SLC9C1: variants seen among roughly 807,000 people sequenced by gnomAD.
SLC9C1 encodes sodium/hydrogen exchanger 10.
In SLC9C1, 97 loss-of-function variants were observed where a neutral mutation model predicts 140.9. The ratio of observed to expected loss-of-function variants is 0.69; its 90% CI spans 0.58 to 0.82. The LOEUF (loss-of-function observed/expected upper bound fraction) is 0.82. Among genes scored for constraint, SLC9C1 ranks in the 40% least tolerant of loss-of-function variants. SLC9C1 has a pLI of 0.00. For missense variants in SLC9C1, 1,340 were observed against 1,389.3 expected (o/e 0.96, Z 0.56); for synonymous variants, 440 against 442.6 (o/e 0.99, Z 0.07).
chr3:112,185,933 C>T (rs2077530199), intron 20 of SLC9C1: 2 of 1,565,802 alleles, frequency 1.3e-6, no homozygotes, highest in Non-Finnish European at 8.6e-7. Flanking sequence ...AATAGCCAGG[C>T]GGCAGCAGTA....
At chr3:112,167,112 A>G in intron 26 of SLC9C1, 109 bp downstream of exon 26, 2 of 1,233,854 alleles carry the variant, frequency 1.6e-6, no homozygotes, top group South Asian at 1.4e-5. Context: ...AGTTAAAAGG[A>G]TTCCTCAATA....
At chr3:112,291,493 G>T (rs2080680825) in intron 1 of SLC9C1, among the ~76,000 whole-genome samples, 1 of 151,964 alleles carries the variant, frequency 6.6e-6, no homozygotes, top group Admixed American at 6.6e-5. Context: ...CATACATGCT[G>T]CCAACAAGCA....
At chr3:112,258,053 G>A (rs966990823) in intron 10 of SLC9C1, among the ~76,000 whole-genome samples, 1 of 152,130 alleles carries the variant, frequency 6.6e-6, no homozygotes, top group African/African-American at 2.4e-5. Flanking sequence ...ACAAATGCTG[G>A]CGAGGTTGCA....
intron 10 of SLC9C1, among the ~76,000 whole-genome samples, chr3:112,245,372 G>A (rs1471005652): frequency 6.6e-6 from 1 of 151,256 alleles, no homozygotes; most frequent in Non-Finnish European, 1.5e-5. Flanking sequence ...TTATATTTAA[G>A]TCTATGGTCC....
intron 10 of SLC9C1, among the ~76,000 whole-genome samples, chr3:112,255,766 ATCAT>A (rs1222957899): frequency 6.6e-6 from 1 of 152,116 alleles, no homozygotes; most frequent in Non-Finnish European, 1.5e-5. Context: ...CACACAAAAA[ATCAT>A]TCAAAAGATC....
intron 26 of SLC9C1, among the ~76,000 whole-genome samples, chr3:112,163,548 G>A (rs1576239911): frequency 2.0e-5 from 3 of 152,056 alleles, no homozygotes. Context: ...TCATTCAGGA[G>A]CAGGTTGTTC....
intron 2 of SLC9C1, among the ~76,000 whole-genome samples, chr3:112,285,513 G>A (rs9851141): frequency 6.6e-6 from 1 of 152,000 alleles, no homozygotes; most frequent in African/African-American, 2.4e-5. Flanking sequence ...AGTGCTGGGA[G>A]TATAGGCATC....
At chr3:112,197,890 C>A (rs2108019530) in intron 20 of SLC9C1, among the ~76,000 whole-genome samples, 1 of 152,216 alleles carries the variant, frequency 6.6e-6, no homozygotes, top group South Asian at 2.1e-4. Flanking sequence ...TTCTCTACAA[C>A]ATGGGTTGCA....
At chr3:112,288,606 A>T (rs1427964437) in intron 1 of SLC9C1, among the ~76,000 whole-genome samples, 1 of 152,162 alleles carries the variant, frequency 6.6e-6, no homozygotes, top group African/African-American at 2.4e-5. Flanking sequence ...AAAATAAAAA[A>T]CTTACCTCAG....
intron 15 of SLC9C1, among the ~76,000 whole-genome samples, chr3:112,208,817 T>C (rs1165686717): frequency 6.6e-6 from 1 of 152,190 alleles, no homozygotes; most frequent in African/African-American, 2.4e-5. Flanking sequence ...AAAGAAGTTA[T>C]ATGACACATT....
At chr3:112,237,226 T>C (rs895986427) in intron 12 of SLC9C1, among the ~76,000 whole-genome samples, 3 of 152,220 alleles carry the variant, frequency 2.0e-5, no homozygotes, top group Admixed American at 2.0e-4. Flanking sequence ...GTAATGGCCT[T>C]CTTTGTCTCT....
In SLC9C1 at chr3:112,183,349, C is replaced by CTTTT. The variant is rs200437815; in HGVS notation, c.2524-1095_2524-1092dup. 8.4e-4 allele frequency among the ~76,000 whole-genome samples: 80 copies of CTTTT among 95,366 alleles called. 6 individuals carry two copies. Among genetic ancestry groups the CTTTT allele is most frequent in the East Asian group, 7.1e-3 (28 of 3,954 alleles). 62.6% of individuals were successfully genotyped at this position (95,366 alleles called of 152,430 possible). The stretch of plus-strand genomic sequence containing the variant: ...ACGACAATGATATTTAGCACCTTTT[C>CTTTT]TTTTTTTTTTTTTTTTTTTTTCAGC... On this transcript the variant is annotated intron_variant, in intron 20 of 28. Transcript: ENST00000305815.
At chr3:112,177,721 CA>C (rs76761034) in intron 23 of SLC9C1, among the ~76,000 whole-genome samples, 8,233 of 75,392 alleles carry the variant, frequency 0.11, 258 homozygotes, top group South Asian at 0.14. Context: ...AATTTTTTTT[CA>C]AAAAAAAAAA....
chr3:112,176,200 G>A (rs1201892538), intron 23 of SLC9C1, among the ~76,000 whole-genome samples: 3 of 152,170 alleles, frequency 2.0e-5, no homozygotes, highest in African/African-American at 7.2e-5. Context: ...AGAAGCATGG[G>A]TTCCTGGGAC....
At chr3:112,216,317 C>T (rs1434439861) in intron 15 of SLC9C1, among the ~76,000 whole-genome samples, 8 of 152,162 alleles carry the variant, frequency 5.3e-5, no homozygotes. Flanking sequence ...AGGACTAAAA[C>T]ACCAAAAGCA....
At chr3:112,237,079 A>G (rs1169863063) in intron 12 of SLC9C1, among the ~76,000 whole-genome samples, 1 of 152,102 alleles carries the variant, frequency 6.6e-6, no homozygotes, top group Admixed American at 6.5e-5. Flanking sequence ...AATTTCTCCC[A>G]TTATTATTGT....
rs750945759 is a variant in SLC9C1, at chr3:112,231,517, A to G, written c.1447-31T>C. 8 of 1,564,024 alleles carry G rather than the reference A, an allele frequency of 5.1e-6. No homozygotes were observed. In the South Asian group the frequency reaches 9.3e-5, roughly 18 times the overall value. On this transcript the variant is annotated intron_variant, in intron 12 of 28. Transcript: ENST00000305815. Reference sequence around the variant, plus strand: ...TAAAACATAAATAAAAGAACAAAAAATACATGAATATTAACATATTGTTTA... The same window carrying G: ...TAAAACATAAATAAAAGAACAAAAAGTACATGAATATTAACATATTGTTTA...
Position 112,216,735 on chromosome 3 carries a change from G to C in SLC9C1, c.1790+707C>G, listed in dbSNP as rs187607948. On this transcript the variant is annotated intron_variant, in intron 15 of 28. Coordinates refer to ENST00000305815, the MANE Select transcript of SLC9C1 (RefSeq NM_183061.3). ...TGCTGGAGAGGATGTGGAGAAATAG[G>C]AACACATTTACACTGTTTGTGGGGC... Among the ~76,000 whole-genome samples, 460 of 152,290 alleles carry C rather than the reference G, an allele frequency of 3.0e-3. 4 individuals are homozygous for C. Among genetic ancestry groups the C allele is most frequent in the African/African-American group, 0.011 (440 of 41,548 alleles).
At chr3:112,159,200 TTTTCA>T (rs2075215637) in intron 26 of SLC9C1, among the ~76,000 whole-genome samples, 2 of 151,906 alleles carry the variant, frequency 1.3e-5, no homozygotes, top group Non-Finnish European at 2.9e-5. Flanking sequence ...TGTGTTCCCA[TTTTCA>T]TTTATTTCAA....
Sources: allele counts gnomAD v4.1 joint callset (sites outside exome capture counted in the v4.1 genomes callset), GRCh38; gene constraint gnomAD v4.1.1; transcripts MANE v1.5; gene names NCBI Gene and HGNC (gene_info 2026-07-23, HGNC 2026-07-21).